The following RPTOR variants were observed in gnomAD, a reference collection of about 807,000 sequenced individuals.
The protein encoded by RPTOR is regulatory-associated protein of mTOR.
Under a neutral mutation model 169.9 loss-of-function variants are expected in RPTOR, and 21 were observed. That is an observed-to-expected ratio of 0.12 (90% CI 0.09 to 0.18). The LOEUF (loss-of-function observed/expected upper bound fraction) is 0.18, where lower values mean the gene tolerates loss of function less well. Ranked by LOEUF, RPTOR falls within the 10% of genes least tolerant of loss-of-function variation. The probability of loss-of-function intolerance (pLI) is 1.00; values close to 1 mark genes in which losing one functional copy is unlikely to be tolerated. For missense variants in RPTOR, 1,133 were observed against 1,855.9 expected (o/e 0.61, Z 7.16); for synonymous variants, 732 against 753.2 (o/e 0.97, Z 0.46).
intron 1 of RPTOR, among the ~76,000 whole-genome samples, chr17:80,599,857 G>A (rs1442733778): frequency 6.6e-6 from 1 of 152,200 alleles, no homozygotes; most frequent in African/African-American, 2.4e-5. Context: ...GAAAGTATGT[G>A]TGTATTTAAT....
chr17:80,960,412 C>T lies in RPTOR; in HGVS notation c.3605+207C>T, dbSNP rs1209263321. ...CTGAGGCCCATCCCACAAAGGTCTG[C>T]CCCACAGAGGTCCACCCCACAGCCT... On this transcript the variant is annotated intron_variant, in intron 30 of 33. Coordinates refer to ENST00000306801, the MANE Select transcript of RPTOR (RefSeq NM_020761.3). The surrounding 1 kb of genome is among the most constrained non-coding windows in gnomAD (Gnocchi z 4.8). 6.6e-6 allele frequency among the ~76,000 whole-genome samples: 1 copy of T among 152,240 alleles called. No individual in the cohort carries two copies. Among genetic ancestry groups the T allele is most frequent in the Non-Finnish European group, 1.5e-5 (1 of 68,040 alleles).
At chr17:80,767,640 A>T (rs1394389215) in intron 6 of RPTOR, among the ~76,000 whole-genome samples, 1 of 152,220 alleles carries the variant, frequency 6.6e-6, no homozygotes, top group Admixed American at 6.5e-5. Context: ...AGATGAACAG[A>T]ATAGACAGAC....
chr17:80,865,357 C>T (rs1164709817), intron 13 of RPTOR, among the ~76,000 whole-genome samples: 4 of 152,144 alleles, frequency 2.6e-5, no homozygotes, highest in Non-Finnish European at 5.9e-5. Context: ...AAGGCAGAGG[C>T]CACCAGGTTG....
chr17:80,692,469 A>G (rs528139724), intron 3 of RPTOR, among the ~76,000 whole-genome samples: 4 of 152,000 alleles, frequency 2.6e-5, no homozygotes, highest in South Asian at 4.2e-4. Context: ...TTACAGGCAC[A>G]TGCCACCATG....
intron 9 of RPTOR, among the ~76,000 whole-genome samples, chr17:80,836,157 G>A (rs2176030): frequency 0.49 from 74,372 of 152,072 alleles, 20,497 homozygotes; most frequent in Non-Finnish European, 0.61. Context: ...CATCCTCCGG[G>A]CGAGGCAGCG....
At chr17:80,566,167 T>G (rs112714733) in intron 1 of RPTOR, among the ~76,000 whole-genome samples, 10 of 152,190 alleles carry the variant, frequency 6.6e-5, no homozygotes, top group Admixed American at 5.2e-4. Context: ...GGTCTAAGAC[T>G]CCTCCTGCAT....
chr17:80,569,552 T>TG (rs1316110786), intron 1 of RPTOR, among the ~76,000 whole-genome samples: 9 of 152,132 alleles, frequency 5.9e-5, no homozygotes, highest in African/African-American at 2.2e-4. Context: ...AATGAATGAA[T>TG]AAATAAATAA....
intron 11 of RPTOR, among the ~76,000 whole-genome samples, chr17:80,853,432 G>T (rs1403845137): frequency 6.6e-6 from 1 of 152,182 alleles, no homozygotes; most frequent in African/African-American, 2.4e-5. Context: ...CCCAGGGTCT[G>T]TGTGTTTAGG....
intron 3 of RPTOR, among the ~76,000 whole-genome samples, chr17:80,680,027 G>A: frequency 6.6e-6 from 1 of 152,196 alleles, no homozygotes; most frequent in East Asian, 1.9e-4. Flanking sequence ...GTCCTGGAGA[G>A]GAACCTCCAG....
rs1406270435 is a variant in RPTOR at position 80,918,421 on chromosome 17, C to G, written c.2521-4303C>G. On this transcript the variant is annotated intron_variant, in intron 21 of 33. Transcript: ENST00000306801. The stretch of plus-strand genomic sequence containing the variant: ...GCCCCACGAGCACCCTCGCGGGGGT[C>G]ATAGCCACGAGCACCCTCGCCGGAG... Among the ~76,000 whole-genome samples, 6 of 124,812 alleles carry G rather than the reference C, an allele frequency of 4.8e-5. No homozygotes were observed. The South Asian group carries it at 7.3e-4, about 15-fold the overall frequency. The allele number at this position is 124,812 out of a possible 152,430, so 81.9% of individuals were successfully genotyped here.
chr17:80,556,783 TA>T (rs55916221), intron 1 of RPTOR, among the ~76,000 whole-genome samples: 167 of 143,680 alleles, frequency 1.2e-3, no homozygotes, highest in Admixed American at 1.7e-3. Flanking sequence ...CTACCCAGAT[TA>T]AAAAAAAAAA....
Position 80,880,495 on chromosome 17 carries a change from G to C in RPTOR, c.1584+6G>C. On this transcript the variant is annotated splice_donor_region_variant and intron_variant, in intron 14 of 33. Transcript: ENST00000306801. ...TGGCGGACCCCTACATGCCAGTAAG[G>C]ACGGGGCAGCACGCTCTCCACGGGC... 6.2e-7 allele frequency: 1 copy of C among 1,613,410 alleles called. No homozygotes were observed. The highest frequency in any genetic ancestry group is 1.1e-5 in the South Asian group (1 of 91,070).
At chr17:80,815,548 A>T (rs2067313774) in intron 7 of RPTOR, among the ~76,000 whole-genome samples, 1 of 152,190 alleles carries the variant, frequency 6.6e-6, no homozygotes, top group Admixed American at 6.5e-5. Context: ...TTAAGTGGGG[A>T]AGTGACATGG....
intron 3 of RPTOR, among the ~76,000 whole-genome samples, chr17:80,703,865 A>C (rs1321122601): frequency 1.3e-5 from 2 of 152,238 alleles, no homozygotes; most frequent in African/African-American, 4.8e-5. Context: ...AATTTACATA[A>C]CGGCCCAGAC....
chr17:80,902,704 C>T (rs1011578908), intron 20 of RPTOR, among the ~76,000 whole-genome samples: 1 of 152,202 alleles, frequency 6.6e-6, no homozygotes, highest in Non-Finnish European at 1.5e-5. Flanking sequence ...TGTCCCGGGA[C>T]CCAGCCTGAG....
At chr17:80,684,445 T>C (rs200144073) in intron 3 of RPTOR, among the ~76,000 whole-genome samples, 1 of 97,764 alleles carries the variant, frequency 1.0e-5, no homozygotes, top group African/African-American at 3.2e-5. Flanking sequence ...TATTTATTTA[T>C]TTATTTAATT....
chr17:80,945,225 G>A (rs539013732), intron 25 of RPTOR, among the ~76,000 whole-genome samples: 3 of 152,106 alleles, frequency 2.0e-5, no homozygotes, highest in Admixed American at 6.5e-5. Context: ...AGCAGGAGGT[G>A]GAAGCTGCAG....
intron 6 of RPTOR, among the ~76,000 whole-genome samples, chr17:80,781,498 C>G (rs1567908429): frequency 1.3e-5 from 2 of 152,102 alleles, no homozygotes; most frequent in Non-Finnish European, 2.9e-5. Context: ...AAGAATTTCC[C>G]AAGTCTAAAA....
intron 4 of RPTOR, among the ~76,000 whole-genome samples, chr17:80,711,836 T>G (rs1293677584): frequency 1.4e-5 from 2 of 143,538 alleles, no homozygotes; most frequent in Non-Finnish European, 3.0e-5. Context: ...GTCCGCCTCC[T>G]GGGTTCAAGC....
Sources: allele counts gnomAD v4.1 joint callset (sites outside exome capture counted in the v4.1 genomes callset), GRCh38; gene constraint gnomAD v4.1.1; non-coding constraint Gnocchi (gnomAD v3.1); transcripts MANE v1.5; gene names NCBI Gene and HGNC (gene_info 2026-07-23, HGNC 2026-07-21).